Variants in NBAS observed in about 807,000 individuals in gnomAD.
NBAS encodes NBAS subunit of NRZ tethering complex, also known as NAG/BC035112 fusion.
A neutral mutation model predicts 302.5 loss-of-function variants in NBAS; 219 were observed. That is an observed-to-expected ratio of 0.72 (90% confidence interval 0.65 to 0.81). The LOEUF (loss-of-function observed/expected upper bound fraction) is 0.81. Ranked by LOEUF, NBAS falls within the 30% of genes least tolerant of loss-of-function variation. The pLI, the probability that NBAS is intolerant of heterozygous loss-of-function variation, is 0.00. For synonymous variants in NBAS, 1,118 were observed against 1,021.6 expected, an observed-to-expected ratio of 1.09 and a Z score of -1.80; for missense variants, 2,932 against 2,841.6, an observed-to-expected ratio of 1.03 and a Z score of -0.72.
At chr2:15,465,928 A>G (rs143708598) in intron 19 of NBAS, among the ~76,000 whole-genome samples, 1 of 152,350 alleles carries the variant, frequency 6.6e-6, no homozygotes, top group East Asian at 1.9e-4. Flanking sequence ...TTGTATCTGT[A>G]CAGACTTCTG....
the NBAS span, among the ~76,000 whole-genome samples, chr2:14,942,597 C>T: frequency 5.3e-4 from 80 of 152,266 alleles, no homozygotes; most frequent in African/African-American, 1.9e-3. Context: ...TTATAAATTA[C>T]CCAATTGCAG....
chr2:14,920,114 T>A, the NBAS span, among the ~76,000 whole-genome samples: 5 of 152,218 alleles, frequency 3.3e-5, no homozygotes, highest in African/African-American at 4.8e-5. Flanking sequence ...AAAGTCAAAA[T>A]TATTCCTTGA....
chr2:15,091,994 C>G, the NBAS span, among the ~76,000 whole-genome samples: 1 of 152,234 alleles, frequency 6.6e-6, no homozygotes, highest in Non-Finnish European at 1.5e-5. Flanking sequence ...TTTGGGGAAG[C>G]CAAAAGTTAT....
In NBAS at chr2:15,233,225, C is replaced by T. The variant is rs571603350; in HGVS notation, c.6147-714G>A. Among the ~76,000 whole-genome samples the T allele has an allele frequency of 2.0e-5, 3 of 152,230 alleles. No homozygotes were observed. The East Asian group carries it at 5.8e-4, about 29-fold the overall frequency. ...CTTAGAAACAGAAGTAGCTGAATTC[C>T]TTAAGTTCCCTTTTCCTTCCATTGC... On this transcript the variant is annotated intron_variant, in intron 46 of 51. Coordinates refer to ENST00000281513, the MANE Select transcript of NBAS (RefSeq NM_015909.4).
At chr2:15,529,054 AG>A (rs977675730) in intron 9 of NBAS, among the ~76,000 whole-genome samples, 61 of 151,998 alleles carry the variant, frequency 4.0e-4, no homozygotes, top group African/African-American at 1.4e-3. Flanking sequence ...CATGGAAAGC[AG>A]GCCAGATAAA....
intron 48 of NBAS, among the ~76,000 whole-genome samples, chr2:15,199,896 A>AT (rs35760010): frequency 0.12 from 14,702 of 121,354 alleles, 1,316 homozygotes; most frequent in African/African-American, 0.22. Context: ...AGAAAGCTGG[A>AT]TTTTTTTTTT....
intron 21 of NBAS, among the ~76,000 whole-genome samples, chr2:15,434,136 A>T (rs925487049): frequency 6.6e-6 from 1 of 152,064 alleles, no homozygotes; most frequent in Non-Finnish European, 1.5e-5. Context: ...AAAATAAATT[A>T]AATTAATTAA....
At chr2:15,535,577 T>A (rs1663463935) in intron 8 of NBAS, among the ~76,000 whole-genome samples, 1 of 148,732 alleles carries the variant, frequency 6.7e-6, no homozygotes, top group African/African-American at 2.6e-5. Flanking sequence ...AATAAAAAAA[T>A]AAAATAAAAT....
chr2:15,094,395 T>C, the NBAS span, among the ~76,000 whole-genome samples: 3 of 152,182 alleles, frequency 2.0e-5, no homozygotes, highest in East Asian at 1.9e-4. Flanking sequence ...GTTATGGAAA[T>C]TGTAAAATGT....
intron 10 of NBAS, among the ~76,000 whole-genome samples, chr2:15,506,802 A>G (rs1020210991): frequency 6.6e-6 from 1 of 152,226 alleles, no homozygotes; most frequent in Non-Finnish European, 1.5e-5. Context: ...CAACAAAAAA[A>G]AGAAAAAAGA....
chr2:14,957,516 G>A, the NBAS span, among the ~76,000 whole-genome samples: 1 of 152,128 alleles, frequency 6.6e-6, no homozygotes, highest in Admixed American at 6.5e-5. Flanking sequence ...AAGACACTAG[G>A]TTGTTTCTTG....
At chr2:15,469,218 C>CT (rs1307694729) in intron 16 of NBAS, among the ~76,000 whole-genome samples, 1 of 152,128 alleles carries the variant, frequency 6.6e-6, no homozygotes, top group African/African-American at 2.4e-5. Flanking sequence ...CTGCTCTGAT[C>CT]TTAGTTATTT....
At chr2:15,116,150 G>A in the NBAS span, among the ~76,000 whole-genome samples, 2 of 152,130 alleles carry the variant, frequency 1.3e-5, no homozygotes, top group Non-Finnish European at 2.9e-5. Flanking sequence ...CTTCCTCTGG[G>A]TTTTTTGGAG....
the NBAS span, among the ~76,000 whole-genome samples, chr2:15,132,654 T>C: frequency 6.6e-6 from 1 of 152,130 alleles, no homozygotes; most frequent in South Asian, 2.1e-4. Context: ...GTGCAGGGTG[T>C]TCATAGTGGA....
intron 44 of NBAS, among the ~76,000 whole-genome samples, chr2:15,240,438 T>C (rs1158496648): frequency 1.4e-4 from 7 of 49,096 alleles, no homozygotes; most frequent in Middle Eastern, 0.019. Flanking sequence ...CCGTCTCTAC[T>C]AAAAATACAA....
the NBAS span, among the ~76,000 whole-genome samples, chr2:15,047,162 G>C: frequency 6.6e-6 from 1 of 152,268 alleles, no homozygotes; most frequent in East Asian, 1.9e-4. Flanking sequence ...CTGGCAATAG[G>C]ATTGAGACAG....
At chr2:14,785,803 C>G in the NBAS span, among the ~76,000 whole-genome samples, 1 of 152,172 alleles carries the variant, frequency 6.6e-6, no homozygotes, top group East Asian at 1.9e-4. Flanking sequence ...GTGTCTCTGC[C>G]CAGCTTTGGT....
chr2:15,329,083 T>A (rs1260121428), intron 36 of NBAS, among the ~76,000 whole-genome samples: 1 of 152,172 alleles, frequency 6.6e-6, no homozygotes, highest in Non-Finnish European at 1.5e-5. Context: ...TTAGTATGCC[T>A]AGATTATAGT....
At chr2:15,144,046 A>ATATATATATATATATTATCCT in the NBAS span, among the ~76,000 whole-genome samples, 18 of 104,512 alleles carry the variant, frequency 1.7e-4, no homozygotes, top group East Asian at 4.4e-4. Context: ...CCTATATATA[A>ATATATATATATATATTATCCT]AAATATATAT....
Sources: allele counts gnomAD v4.1 joint callset (sites outside exome capture counted in the v4.1 genomes callset), GRCh38; gene constraint gnomAD v4.1.1; transcripts MANE v1.5; gene names NCBI Gene and HGNC (gene_info 2026-07-23, HGNC 2026-07-21).